The following SYT5 variants were observed in gnomAD, a reference collection of about 807,000 sequenced individuals.
The protein encoded by SYT5 is synaptotagmin-5.
Under a neutral mutation model 36.0 loss-of-function variants are expected in SYT5, and 29 were observed. That is an observed-to-expected ratio of 0.81 (90% CI 0.60 to 1.10). The LOEUF (loss-of-function observed/expected upper bound fraction) is 1.10, where lower values mean the gene tolerates loss of function less well. Among genes scored for constraint, SYT5 ranks in the 50% least tolerant of loss-of-function variants. SYT5 has a pLI of 0.00. For synonymous variants in SYT5, 231 were observed against 227.6 expected (o/e 1.02, Z -0.14); for missense variants, 512 against 516.0 (o/e 0.99, Z 0.08).
In SYT5 at chr19:55,178,991, G is replaced by C. The variant is rs1362006635; in HGVS notation, c.51C>G (p.Pro17=). 9 of 1,586,480 alleles carry C rather than the reference G, an allele frequency of 5.7e-6. No homozygotes were observed. Among genetic ancestry groups the C allele is most frequent in the Non-Finnish European group, 7.7e-6 (9 of 1,166,818 alleles). ...TPGPPSPDTP[P]DSSRISHGPV... Reference sequence around the variant, plus strand: ...GGCCGTGGCTGATGCGACTGGAGTCGGGAGGCGTGTCGGGCGATGGAGGCC... The same window carrying C: ...GGCCGTGGCTGATGCGACTGGAGTCCGGAGGCGTGTCGGGCGATGGAGGCC... Residue 17 remains proline, a synonymous_variant, in exon 2 of 9, where the codon CCC becomes CCG. Coordinates refer to ENST00000354308, the MANE Select transcript of SYT5 (RefSeq NM_003180.3).
chr19:55,174,573 G>A lies in SYT5; in HGVS notation c.904C>T (p.Leu302=), dbSNP rs552307400. 2 of 1,614,114 alleles carry A rather than the reference G, an allele frequency of 1.2e-6. No individual in the cohort carries two copies. Among genetic ancestry groups the A allele is most frequent in the Non-Finnish European group, 1.7e-6 (2 of 1,179,978 alleles). The part of the protein sequence containing the change: ...KKKTTIKKNT[L]NPYYNEAFSF... ...AAAGCTTCGTTGTAATAGGGGTTCA[G>A]AGTGTTCTTCTTGATGGTGGTTTTC... The change falls in exon 8 of 9, where the codon CTG becomes TTG. Residue 302 remains leucine, a synonymous_variant. Transcript: ENST00000354308.
chr19:55,173,846 G>A lies in SYT5; in HGVS notation c.961-162C>T. On this transcript the variant is annotated intron_variant, in intron 8 of 8. Coordinates refer to ENST00000354308, the MANE Select transcript of SYT5 (RefSeq NM_003180.3). The surrounding 1 kb of genome is among the most constrained non-coding windows in gnomAD (Gnocchi z 5.4). ...GAGGGGGTGGGAGACGAGAGGGACG[G>A]AGCCTGCGGCGAGGAGGAGGCTCTG... is the stretch of plus-strand genomic sequence containing the variant. The A allele has an allele frequency of 1.6e-6, 1 of 643,712 alleles. No homozygotes were observed. The allele number at this position is 643,712 out of a possible 1,614,324, so 39.9% of individuals were successfully genotyped here.
Position 55,176,077 on chromosome 19 carries a change from C to T in SYT5, c.300G>A (p.Gly100=). The T allele has an allele frequency of 6.2e-7, 1 of 1,614,206 alleles. No individual in the cohort carries two copies. The highest frequency in any genetic ancestry group is 1.3e-5 in the African/African-American group (1 of 75,070). Residue 100 remains glycine, a synonymous_variant, in exon 4 of 9, where the codon GGG becomes GGA. Coordinates refer to ENST00000354308, the MANE Select transcript of SYT5 (RefSeq NM_003180.3). ...EELEPAPSGP[G]QQVADKHELG... The stretch of plus-strand genomic sequence containing the variant: ...GCTCATGCTTGTCTGCCACCTGCTG[C>T]CCTGGCCCGGATGGTGCTGGCTCCA...
intron 3 of SYT5, 124 bp downstream of exon 3, chr19:55,178,072 G>C: frequency 9.0e-7 from 1 of 1,114,404 alleles, no homozygotes; most frequent in Non-Finnish European, 1.2e-6. Flanking sequence ...AGACACACAG[G>C]GAGGATGAGC....
chr19:55,173,799 G>A lies in SYT5; in HGVS notation c.961-115C>T. The A allele has an allele frequency of 8.5e-7, 1 of 1,179,640 alleles. No individual in the cohort carries two copies. Among genetic ancestry groups the A allele is most frequent in the Non-Finnish European group, 1.1e-6 (1 of 914,626 alleles). 73.1% of individuals were successfully genotyped at this position (1,179,640 alleles called of 1,614,324 possible). ...CTCTCGCTGCCACCCGAGGGCTCGG[G>A]GCCCCGGAGCTCGGGACGGGGGAGG... On this transcript the variant is annotated intron_variant, in intron 8 of 8. Coordinates refer to ENST00000354308, the MANE Select transcript of SYT5 (RefSeq NM_003180.3). The surrounding 1 kb of genome is among the most constrained non-coding windows in gnomAD (Gnocchi z 5.4).
Position 55,178,200 on chromosome 19 carries a change from T to C in SYT5, c.248A>G (p.Asp83Gly), listed in dbSNP as rs2086098290. 6.2e-7 allele frequency: 1 copy of C among 1,606,778 alleles called. No homozygotes were observed. The highest frequency in any genetic ancestry group is 8.5e-7 in the Non-Finnish European group (1 of 1,176,978). ...AGGGGCTGGGCTGGGCCACACCTTGTCTATGTAACTCTGGCCCAGCCCCTT... is the reference window on the plus strand; with the variant it reads ...AGGGGCTGGGCTGGGCCACACCTTGCCTATGTAACTCTGGCCCAGCCCCTT... ...EVKGLGQSYI[D>G]KVQPEVEELE... The change falls in exon 3 of 9, where the codon GAC (aspartate) becomes GGC (glycine). Residue 83 changes from aspartate (D) to glycine (G), a missense_variant. Physicochemically the swap from Asp to Gly is moderately conservative, Grantham distance 94 (BLOSUM62 -1). Transcript: ENST00000354308.
chr19:55,173,643 C>T lies in SYT5; in HGVS notation c.1002G>A (p.Leu334=), dbSNP rs939045173. Residue 334 remains leucine, a synonymous_variant, in exon 9 of 9, where the codon CTG becomes CTA. Coordinates refer to ENST00000354308, the MANE Select transcript of SYT5 (RefSeq NM_003180.3). This position sits in a 1 kb window ranked among gnomAD's most constrained non-coding sequence, Gnocchi z 5.4. ...CCCTCCCGATGGCCTCGTTCTTGCCCAGCTTGTCGTAGTCCAGCACGGTCA... is the reference window on the plus strand; with the variant it reads ...CCCTCCCGATGGCCTCGTTCTTGCCTAGCTTGTCGTAGTCCAGCACGGTCA... ...VELTVLDYDK[L]GKNEAIGRVA... The T allele has an allele frequency of 2.0e-6, 3 of 1,487,716 alleles. No individual in the cohort carries two copies. The Admixed American group carries it at 7.5e-5, about 37-fold the overall frequency. The allele number at this position is 1,487,716 out of a possible 1,614,324, so 92.2% of individuals were successfully genotyped here.
In SYT5 at chr19:55,179,540, T is replaced by G. The variant is rs2086124588; in HGVS notation, c.-45-454A>C. The G allele has an allele frequency of 4.4e-6, 1 of 226,488 alleles. No individual in the cohort carries two copies. Among genetic ancestry groups the G allele is most frequent in the Non-Finnish European group, 8.6e-6 (1 of 116,476 alleles). The allele number at this position is 226,488 out of a possible 1,614,324, so 14.0% of individuals were successfully genotyped here. A position where few individuals can be genotyped will look rare whatever the true frequency, so the allele number is the denominator to read the frequency against. On this transcript the variant is annotated intron_variant, in intron 1 of 8. Transcript: ENST00000354308. The surrounding 1 kb of genome is among the most constrained non-coding windows in gnomAD (Gnocchi z 4.5). ...GCAGGCTCGCTCCGGGGCCCACCGGTGCCTGGGAACCCCCCAATAGCCCGA... is the reference window on the plus strand; with the variant it reads ...GCAGGCTCGCTCCGGGGCCCACCGGGGCCTGGGAACCCCCCAATAGCCCGA...
At position 55,173,738 on chromosome 19, in the gene SYT5, G is replaced by A. The variant is rs911698500; in HGVS notation, c.961-54C>T. ...GAGGAGCGTGAGGGGAGGAGGCCCCGGAAGGGGCGGTGTCCGTTTTCACGG... is the reference window on the plus strand; with the variant it reads ...GAGGAGCGTGAGGGGAGGAGGCCCCAGAAGGGGCGGTGTCCGTTTTCACGG... On this transcript the variant is annotated intron_variant, in intron 8 of 8. Coordinates refer to ENST00000354308, the MANE Select transcript of SYT5 (RefSeq NM_003180.3). The surrounding 1 kb of genome is among the most constrained non-coding windows in gnomAD (Gnocchi z 5.4). 10 of 1,304,124 alleles carry A rather than the reference G, an allele frequency of 7.7e-6. No homozygotes were observed. In the African/African-American group the frequency reaches 1.2e-4, roughly 16 times the overall value. 80.8% of individuals were successfully genotyped at this position (1,304,124 alleles called of 1,614,324 possible).
In SYT5 at chr19:55,173,591, C is replaced by A. The variant is rs763433714; in HGVS notation, c.1054G>T (p.Ala352Ser). 28 of 1,481,424 alleles carry A rather than the reference C, an allele frequency of 1.9e-5. No individual in the cohort carries two copies. The African/African-American group carries it at 3.7e-4, about 19-fold the overall frequency. The allele number at this position is 1,481,424 out of a possible 1,614,324, so 91.8% of individuals were successfully genotyped here. ...ATGTCCGCCCAGTGCCGCAGGCCAG[C>A]CCCGCCGGCGGCCGCCCCCACGGCC... ...RVAVGAAAGG[A>S]GLRHWADMLA... The change falls in exon 9 of 9, where the codon GCT (alanine) becomes TCT (serine). Residue 352 changes from alanine to serine, a missense_variant. Transcript: ENST00000354308. This position sits in a 1 kb window ranked among gnomAD's most constrained non-coding sequence, Gnocchi z 5.4.
At position 55,173,454 on chromosome 19, in the gene SYT5, C is replaced by T. The variant is rs2086026815; in HGVS notation, c.*30G>A. 7.4e-7 allele frequency: 1 copy of T among 1,343,838 alleles called. No homozygotes were observed. Among genetic ancestry groups the T allele is most frequent in the Non-Finnish European group, 9.5e-7 (1 of 1,049,602 alleles). The allele number at this position is 1,343,838 out of a possible 1,614,324, so 83.2% of individuals were successfully genotyped here. ...GGAGTCTGGGGTCAGGGGCTAGAGT[C>T]CAGGCTTGGCCGGGGGCTTGGGGTG... On this transcript the variant is annotated 3_prime_UTR_variant, in exon 9 of 9. Transcript: ENST00000354308. This position sits in a 1 kb window ranked among gnomAD's most constrained non-coding sequence, Gnocchi z 5.4.
In SYT5 at chr19:55,179,294, G is replaced by T; in HGVS notation, c.-45-208C>A. On this transcript the variant is annotated intron_variant, in intron 1 of 8. Transcript: ENST00000354308. This position sits in a 1 kb window ranked among gnomAD's most constrained non-coding sequence, Gnocchi z 4.5. Reference sequence around the variant, plus strand: ...CTAAAGGGATACCCTCTTCCTCCACGGCCCCACAGGCATCCCGCTGACTTC... The same window carrying T: ...CTAAAGGGATACCCTCTTCCTCCACTGCCCCACAGGCATCCCGCTGACTTC... 7.5e-7 allele frequency: 1 copy of T among 1,337,694 alleles called. No homozygotes were observed. Among genetic ancestry groups the T allele is most frequent in the Non-Finnish European group, 9.6e-7 (1 of 1,036,428 alleles). 82.9% of individuals were successfully genotyped at this position (1,337,694 alleles called of 1,614,324 possible).
At position 55,173,977 on chromosome 19, in the gene SYT5, C is replaced by G. The variant is rs1284266759; in HGVS notation, c.961-293G>C. On this transcript the variant is annotated intron_variant, in intron 8 of 8. Coordinates refer to ENST00000354308, the MANE Select transcript of SYT5 (RefSeq NM_003180.3). This position sits in a 1 kb window ranked among gnomAD's most constrained non-coding sequence, Gnocchi z 5.4. The stretch of plus-strand genomic sequence containing the variant: ...TCCTGGGGGAGCAGCCTCCTAAGAG[C>G]CGCAAAGCTGCAGAACTTTAACAGG... The G allele has an allele frequency of 1.4e-5, 5 of 364,550 alleles. No individual in the cohort carries two copies. The East Asian group carries it at 2.0e-4, about 15-fold the overall frequency. 22.6% of individuals were successfully genotyped at this position (364,550 alleles called of 1,614,324 possible). A position where few individuals can be genotyped will look rare whatever the true frequency, so the allele number is the denominator to read the frequency against.
rs2086067211 is a variant in SYT5, at chr19:55,175,636, A to T, written c.540+73T>A. On this transcript the variant is annotated intron_variant, in intron 5 of 8. Coordinates refer to ENST00000354308, the MANE Select transcript of SYT5 (RefSeq NM_003180.3). This position sits in a 1 kb window ranked among gnomAD's most constrained non-coding sequence, Gnocchi z 4.5. ...CTGTGGCCGCCTCCAGGAAAAGCGG[A>T]AGGGGTCGGTCCCTAGTGTTCCAGG... 6.4e-7 allele frequency: 1 copy of T among 1,556,098 alleles called. No homozygotes were observed. Among genetic ancestry groups the T allele is most frequent in the South Asian group, 1.2e-5 (1 of 83,350 alleles).
In SYT5 at chr19:55,174,499, G is replaced by T. The variant is rs762146443; in HGVS notation, c.960+18C>A. On this transcript the variant is annotated intron_variant, in intron 8 of 8. Coordinates refer to ENST00000354308, the MANE Select transcript of SYT5 (RefSeq NM_003180.3). ...ACTAAAGGTCTGGGCTCTTGGAGAA[G>T]GGCAGGTTTGAGCTCACCTGGACTT... The T allele has an allele frequency of 1.2e-6, 2 of 1,612,248 alleles. No individual in the cohort carries two copies. Among genetic ancestry groups the T allele is most frequent in the East Asian group, 4.5e-5 (2 of 44,854 alleles).
At position 55,175,161 on chromosome 19, in the gene SYT5, C is replaced by A; in HGVS notation, c.708+11G>T. 6.3e-7 allele frequency: 1 copy of A among 1,589,266 alleles called. No homozygotes were observed. Among genetic ancestry groups the A allele is most frequent in the South Asian group, 1.1e-5 (1 of 88,588 alleles). On this transcript the variant is annotated intron_variant, in intron 6 of 8. Coordinates refer to ENST00000354308, the MANE Select transcript of SYT5 (RefSeq NM_003180.3). The surrounding 1 kb of genome is among the most constrained non-coding windows in gnomAD (Gnocchi z 4.5). ...GGGGGCGTGGCTCGGGGCGCGACCG[C>A]GCATGCTCACCTCCTCCCGCGGAGC...
chr19:55,176,122 C>T lies in SYT5; in HGVS notation c.255G>A (p.Val85=). 1 of 1,614,068 alleles carries T rather than the reference C, an allele frequency of 6.2e-7. No individual in the cohort carries two copies. Among genetic ancestry groups the T allele is most frequent in the South Asian group, 1.1e-5 (1 of 91,086 alleles). ...KGLGQSYIDK[V]QPEVEELEPA... is the part of the protein sequence containing the mutation. ...GCTCCAGCTCCTCTACTTCTGGCTGCACCTTAAGGAGCCAGGGGTAAGGGT... is the reference window on the plus strand; with the variant it reads ...GCTCCAGCTCCTCTACTTCTGGCTGTACCTTAAGGAGCCAGGGGTAAGGGT... The change falls in exon 4 of 9, where the codon GTG becomes GTA. Residue 85 remains valine (V), a splice_region_variant and synonymous_variant. Coordinates refer to ENST00000354308, the MANE Select transcript of SYT5 (RefSeq NM_003180.3).
Position 55,175,344 on chromosome 19 carries a change from A to G in SYT5, c.541-5T>C. 1 of 1,525,016 alleles carries G rather than the reference A, an allele frequency of 6.6e-7. No individual in the cohort carries two copies. Among genetic ancestry groups the G allele is most frequent in the Non-Finnish European group, 8.8e-7 (1 of 1,140,328 alleles). The allele number at this position is 1,525,016 out of a possible 1,614,324, so 94.5% of individuals were successfully genotyped here. A position where few individuals can be genotyped will look rare whatever the true frequency, so the allele number is the denominator to read the frequency against. On this transcript the variant is annotated splice_region_variant and splice_polypyrimidine_tract_variant and intron_variant, in intron 5 of 8. Transcript: ENST00000354308. This position sits in a 1 kb window ranked among gnomAD's most constrained non-coding sequence, Gnocchi z 4.5. ...CCCCAGCTCCACGTAGGGGACCTGG[A>G]GTGCACAGAGAATCCGCAGTAGAGA...
chr19:55,179,434 G>C lies in SYT5; in HGVS notation c.-45-348C>G, dbSNP rs2086121845. On this transcript the variant is annotated intron_variant, in intron 1 of 8. Transcript: ENST00000354308. The surrounding 1 kb of genome is among the most constrained non-coding windows in gnomAD (Gnocchi z 4.5). Reference sequence around the variant, plus strand: ...GCCGGGCTCCTCTCAAGCGGGGTGAGAGCAAAGCTGGTTGCCCGGGCAACG... The same window carrying C: ...GCCGGGCTCCTCTCAAGCGGGGTGACAGCAAAGCTGGTTGCCCGGGCAACG... The C allele has an allele frequency of 9.4e-6, 4 of 424,030 alleles. No individual in the cohort carries two copies. In the South Asian group the frequency reaches 2.3e-4, roughly 25 times the overall value. The allele number at this position is 424,030 out of a possible 1,614,324, so 26.3% of individuals were successfully genotyped here.
Sources: allele counts gnomAD v4.1 joint callset, GRCh38; gene constraint gnomAD v4.1.1; non-coding constraint Gnocchi (gnomAD v3.1); transcripts MANE v1.5; gene names NCBI Gene and HGNC (gene_info 2026-07-23, HGNC 2026-07-21).